The following SH2D4B variants were observed in gnomAD, a reference collection of about 807,000 sequenced individuals.
The protein encoded by SH2D4B is SH2 domain containing 4B.
A neutral mutation model predicts 61.5 loss-of-function variants in SH2D4B; 45 were observed. That is an observed-to-expected ratio of 0.73 (90% CI 0.58 to 0.94). The LOEUF is 0.94. Ranked by LOEUF, SH2D4B falls within the 40% of genes least tolerant of loss-of-function variation. SH2D4B has a pLI of 0.00. For missense variants in SH2D4B, 572 were observed against 574.2 expected (o/e 1.00, Z 0.04); for synonymous variants, 224 against 220.4 (o/e 1.02, Z -0.14).
intron 7 of SH2D4B, among the ~76,000 whole-genome samples, chr10:80,640,881 T>C (rs1488318273): frequency 6.6e-6 from 1 of 152,226 alleles, no homozygotes; most frequent in Non-Finnish European, 1.5e-5. Context: ...CTCTGGTTTT[T>C]AGAATTTTCA....
At chr10:80,640,648 T>C (rs1405650843) in intron 7 of SH2D4B, among the ~76,000 whole-genome samples, 1 of 152,236 alleles carries the variant, frequency 6.6e-6, no homozygotes, top group Non-Finnish European at 1.5e-5. Flanking sequence ...TCAGGTCATT[T>C]AAGGTTTTCT....
chr10:80,561,796 G>A (rs1225311411), intron 1 of SH2D4B, among the ~76,000 whole-genome samples: 1 of 152,128 alleles, frequency 6.6e-6, no homozygotes, highest in Non-Finnish European at 1.5e-5. Flanking sequence ...CAACTTGTTT[G>A]AGTTTTGATG....
At chr10:80,623,998 T>G (rs760363757) in intron 6 of SH2D4B, among the ~76,000 whole-genome samples, 19 of 152,146 alleles carry the variant, frequency 1.2e-4, no homozygotes, top group Non-Finnish European at 2.2e-4. Flanking sequence ...TGTACTTTAT[T>G]TAACGACGGG....
intron 4 of SH2D4B, among the ~76,000 whole-genome samples, chr10:80,596,525 C>G (rs1479982985): frequency 6.6e-6 from 1 of 152,122 alleles, no homozygotes; most frequent in Non-Finnish European, 1.5e-5. Context: ...GTGTTCTGGC[C>G]TGCAGCTTAG....
At chr10:80,544,862 A>G (rs757264320) in intron 1 of SH2D4B, among the ~76,000 whole-genome samples, 14 of 152,016 alleles carry the variant, frequency 9.2e-5, no homozygotes, top group Non-Finnish European at 1.2e-4. Context: ...GCACCTGCCC[A>G]CCTCTTCAAG....
At chr10:80,604,939 G>A (rs1171358314) in intron 5 of SH2D4B, among the ~76,000 whole-genome samples, 11 of 152,168 alleles carry the variant, frequency 7.2e-5, no homozygotes, top group African/African-American at 2.7e-4. Flanking sequence ...GACTATAGGT[G>A]CCCGCCACCA....
chr10:80,634,242 CAGAA>C, intron 6 of SH2D4B, 39 bp from the exon 7 acceptor site: 6 of 1,478,670 alleles, frequency 4.1e-6, no homozygotes, highest in East Asian at 2.5e-5. Flanking sequence ...GAGGCAGTCG[CAGAA>C]CCTGCTGTGT....
intron 3 of SH2D4B, among the ~76,000 whole-genome samples, chr10:80,581,131 C>A (rs1842180726): frequency 6.6e-6 from 1 of 152,160 alleles, no homozygotes; most frequent in Non-Finnish European, 1.5e-5. Context: ...CAGTCATTTT[C>A]CTCTGAGATG....
intron 3 of SH2D4B, among the ~76,000 whole-genome samples, chr10:80,584,785 A>G (rs1385343631): frequency 6.6e-6 from 1 of 152,244 alleles, no homozygotes; most frequent in Admixed American, 6.5e-5. Flanking sequence ...AGTATGGTGT[A>G]TGGATGTTCA....
At chr10:80,624,958 A>G (rs2132155161) in intron 6 of SH2D4B, among the ~76,000 whole-genome samples, 1 of 152,350 alleles carries the variant, frequency 6.6e-6, no homozygotes, top group South Asian at 2.1e-4. Context: ...GAGCAGCACC[A>G]AATCCTAAAG....
intron 7 of SH2D4B, among the ~76,000 whole-genome samples, chr10:80,634,802 A>T (rs1842878376): frequency 6.6e-6 from 1 of 152,124 alleles, no homozygotes. Flanking sequence ...CAAGGACTGG[A>T]TGATCATCCC....
chr10:80,639,969 T>C (rs1205291025), intron 7 of SH2D4B, among the ~76,000 whole-genome samples: 2 of 152,202 alleles, frequency 1.3e-5, no homozygotes. Flanking sequence ...AGGAGCTCTT[T>C]TAGGGCAGGC....
At chr10:80,560,078 C>T (rs1841884692) in intron 1 of SH2D4B, among the ~76,000 whole-genome samples, 1 of 149,314 alleles carries the variant, frequency 6.7e-6, no homozygotes, top group African/African-American at 2.5e-5. Context: ...AGCTCCGCCT[C>T]CCAGGTTCAC....
rs1048755263 is a variant in SH2D4B, at chr10:80,585,623, A to G, written c.496-3007A>G. On this transcript the variant is annotated intron_variant, in intron 3 of 7. Transcript: ENST00000646907. ...AACCACCGCGCCCAGCCAGGATGGC[A>G]GAGTCCTCTTACCTCTGCAGTAAGA... is the stretch of plus-strand genomic sequence containing the variant. Among the ~76,000 whole-genome samples, 4 of 152,276 alleles carry G rather than the reference A, an allele frequency of 2.6e-5. No individual in the cohort carries two copies. The East Asian group carries it at 7.7e-4, about 29-fold the overall frequency.
intron 6 of SH2D4B, among the ~76,000 whole-genome samples, chr10:80,613,435 AATGTGGTCT>A (rs1842625131): frequency 6.6e-6 from 1 of 152,236 alleles, no homozygotes; most frequent in African/African-American, 2.4e-5. Context: ...AAACAGTCAC[AATGTGGTCT>A]ATGATTTATT....
chr10:80,607,287 T>G (rs1842531230), intron 5 of SH2D4B: 1 of 152,036 alleles, frequency 6.6e-6, no homozygotes, highest in Admixed American at 6.6e-5. Flanking sequence ...AGCTATTTTT[T>G]GGGGGATGCA....
chr10:80,637,713 C>T (rs567621781), intron 7 of SH2D4B, among the ~76,000 whole-genome samples: 12 of 152,182 alleles, frequency 7.9e-5, no homozygotes, highest in Non-Finnish European at 1.2e-4. Context: ...TCTAAATATA[C>T]AGTCATGTCA....
chr10:80,561,308 T>A (rs1841899981), intron 1 of SH2D4B, among the ~76,000 whole-genome samples: 1 of 152,370 alleles, frequency 6.6e-6, no homozygotes, highest in Middle Eastern at 3.4e-3. Context: ...AACTTGTGTC[T>A]GCCACAATGG....
At chr10:80,613,561 G>A (rs1399632373) in intron 6 of SH2D4B, among the ~76,000 whole-genome samples, 1 of 152,240 alleles carries the variant, frequency 6.6e-6, no homozygotes, top group African/African-American at 2.4e-5. Context: ...TTATCTCCAT[G>A]TGACCCTGCT....
Sources: allele counts gnomAD v4.1 joint callset (sites outside exome capture counted in the v4.1 genomes callset), GRCh38; gene constraint gnomAD v4.1.1; transcripts MANE v1.5; gene names NCBI Gene and HGNC (gene_info 2026-07-23, HGNC 2026-07-21).